NUP214: variants seen among roughly 807,000 people sequenced by gnomAD.
The protein encoded by NUP214 is nuclear pore complex protein Nup214.
In NUP214, 79 loss-of-function variants were observed where a neutral mutation model predicts 196.2. That is an observed-to-expected ratio of 0.40 (90% CI 0.34 to 0.49). NUP214 has a LOEUF of 0.49. Among genes scored for constraint, NUP214 ranks in the 20% least tolerant of loss-of-function variants. The probability of loss-of-function intolerance (pLI) is 0.58; values close to 1 mark genes in which losing one functional copy is unlikely to be tolerated. For synonymous variants in NUP214, 1,020 were observed against 990.5 expected, an observed-to-expected ratio of 1.03 and a Z score of -0.56; for missense variants, 2,468 against 2,539.0, an observed-to-expected ratio of 0.97 and a Z score of 0.60.
chr9:131,220,462 C>T (rs952435143), intron 31 of NUP214, among the ~76,000 whole-genome samples: 7 of 152,152 alleles, frequency 4.6e-5, no homozygotes, highest in African/African-American at 1.7e-4. Flanking sequence ...GTGATTACAG[C>T]TTTAATGGTG....
intron 14 of NUP214, chr9:131,150,090 C>T: frequency 2.4e-6 from 1 of 425,176 alleles, no homozygotes; most frequent in Non-Finnish European, 4.3e-6. Context: ...TTCAACATGT[C>T]CCAGTAGGAG....
intron 21 of NUP214, among the ~76,000 whole-genome samples, chr9:131,164,987 C>A (rs561714034): frequency 4.5e-4 from 68 of 152,258 alleles, no homozygotes; most frequent in Non-Finnish European, 6.8e-4. Context: ...TTTAATCTTA[C>A]TGATTTATTT....
chr9:131,175,229 A>G (rs1016711085), intron 22 of NUP214, among the ~76,000 whole-genome samples: 2 of 152,188 alleles, frequency 1.3e-5, no homozygotes, highest in African/African-American at 2.4e-5. Context: ...TAAAAGTTGT[A>G]TCTCAATCAG....
At chr9:131,149,163 A>G (rs1832178065) in intron 14 of NUP214, among the ~76,000 whole-genome samples, 1 of 151,646 alleles carries the variant, frequency 6.6e-6, no homozygotes, top group South Asian at 2.1e-4. Flanking sequence ...ACCCTAACAC[A>G]CACCTGTACT....
At chr9:131,213,430 C>CT (rs1370704662) in intron 30 of NUP214, among the ~76,000 whole-genome samples, 3 of 152,282 alleles carry the variant, frequency 2.0e-5, no homozygotes, top group African/African-American at 7.2e-5. Context: ...CTGCCTCGGC[C>CT]TCCCAAAGTG....
chr9:131,136,445 C>T lies in NUP214; in HGVS notation c.1005+439C>T, dbSNP rs554222206. ...AACACGGGTGTCAGACTTAGCACTTCCTTCGCTTCTGTTCTTTTAGGATCC... is the reference window on the plus strand; with the variant it reads ...AACACGGGTGTCAGACTTAGCACTTTCTTCGCTTCTGTTCTTTTAGGATCC... On this transcript the variant is annotated intron_variant, in intron 9 of 35. Transcript: ENST00000359428. 1.7e-4 allele frequency: 26 copies of T among 156,192 alleles called. No homozygotes were observed. In the South Asian group the frequency reaches 3.4e-3, roughly 21 times the overall value. The allele number at this position is 156,192 out of a possible 1,614,324, so 9.7% of individuals were successfully genotyped here. A position where few individuals can be genotyped will look rare whatever the true frequency, so the allele number is the denominator to read the frequency against.
chr9:131,187,264 AGT>A (rs1174807063), intron 24 of NUP214, 23 bp from the exon 25 acceptor site: 1 of 1,601,766 alleles, frequency 6.2e-7, no homozygotes, highest in Non-Finnish European at 8.6e-7. Context: ...CCTTTCTCTG[AGT>A]GTATGCTTTG....
chr9:131,161,148 G>A (rs1041373367), intron 18 of NUP214, among the ~76,000 whole-genome samples: 5 of 151,906 alleles, frequency 3.3e-5, no homozygotes, highest in African/African-American at 1.2e-4. Context: ...GCTTTTCTGA[G>A]TTCTCTTTCT....
At chr9:131,230,881 A>T in intron 34 of NUP214, 112 bp downstream of exon 34, 1 of 1,278,524 alleles carries the variant, frequency 7.8e-7, no homozygotes, top group Non-Finnish European at 1.1e-6. Context: ...TTAAAAGCTG[A>T]CTGGGCACGT....
chr9:131,135,914 A>G (rs766811006), intron 8 of NUP214, 26 bp from the exon 9 acceptor site: 2 of 1,603,402 alleles, frequency 1.2e-6, no homozygotes, highest in African/African-American at 2.7e-5. Flanking sequence ...ATTTGAACGT[A>G]ATGGTCTCTG....
At chr9:131,158,164 C>T (rs951168570) in intron 17 of NUP214, among the ~76,000 whole-genome samples, 3 of 152,170 alleles carry the variant, frequency 2.0e-5, no homozygotes, top group Non-Finnish European at 4.4e-5. Context: ...CTGCAGCCTC[C>T]GCCTCCTGTG....
intron 33 of NUP214, chr9:131,228,553 T>G: frequency 4.8e-6 from 2 of 420,236 alleles, no homozygotes; most frequent in Non-Finnish European, 8.4e-6. Context: ...TGTGTTGCTG[T>G]TCCCTGGTAT....
intron 31 of NUP214, among the ~76,000 whole-genome samples, chr9:131,220,164 G>GT (rs538692859): frequency 1.3e-4 from 19 of 151,936 alleles, no homozygotes; most frequent in South Asian, 4.2e-4. Flanking sequence ...AGACAAACTT[G>GT]TTTTTTTTAC....
intron 32 of NUP214, among the ~76,000 whole-genome samples, chr9:131,226,744 T>C (rs1834735071): frequency 6.6e-6 from 1 of 152,152 alleles, no homozygotes; most frequent in Non-Finnish European, 1.5e-5. Context: ...AGCAAAAAAG[T>C]ATCTTCTCAG....
In NUP214 at chr9:131,197,251, GA is replaced by G; in HGVS notation, c.3758del (p.Asp1253AlafsTer105). On this transcript the variant is annotated frameshift_variant, in exon 29 of 36. Coordinates refer to ENST00000359428, the MANE Select transcript of NUP214 (RefSeq NM_005085.4). LOFTEE classifies it high-confidence loss of function. Reference sequence around the variant, plus strand: ...CTCCACTAAAGAGTCAAGCCAGCCGGACGCATTCTCATCTGGTGGGGGAAGC... The same window carrying G: ...CTCCACTAAAGAGTCAAGCCAGCCGGCGCATTCTCATCTGGTGGGGGAAGC... ...TPSTKESSQP[D>X]AFSSGGGSKP... 1 of 1,614,136 alleles carries G rather than the reference GA, an allele frequency of 6.2e-7. No individual in the cohort carries two copies. The highest frequency in any genetic ancestry group is 1.1e-5 in the South Asian group (1 of 91,080).
rs1833530100 is a variant in NUP214 at position 131,189,085 on chromosome 9, G to T, written c.3528G>T (p.Gly1176=). ...TAATAAATTCCCTTAAGCCATCTGG[G>T]CCTACACCAGCATCCGGTCAGTTAT... ...GSLINSLKPS[G]PTPASGQLSS... Residue 1176 remains glycine (G), a synonymous_variant, in exon 26 of 36, where the codon GGG becomes GGT. Transcript: ENST00000359428. 15 of 1,613,994 alleles carry T rather than the reference G, an allele frequency of 9.3e-6. No homozygotes were observed. In the East Asian group the frequency reaches 3.1e-4, roughly 34 times the overall value.
chr9:131,128,431 G>T lies in NUP214; in HGVS notation c.341G>T (p.Ser114Ile), dbSNP rs1023595401. The T allele has an allele frequency of 1.7e-5, 28 of 1,613,598 alleles. 1 individual carries two copies. The African/African-American group carries it at 2.0e-4, about 12-fold the overall frequency. The stretch of plus-strand genomic sequence containing the variant: ...ACACTCTCTGCGTGCATGATGTCCA[G>T]TGAATATGGTTCCATTATTGCTTTT... ...NLTLSACMMSSEYGSIIAFFD... is the reference protein window; with the variant it reads ...NLTLSACMMSIEYGSIIAFFD... Residue 114 changes from serine to isoleucine, a missense_variant, in exon 3 of 36, where the codon AGT becomes ATT. Transcript: ENST00000359428.
chr9:131,162,765 G>A (rs1294357104), intron 18 of NUP214: 1 of 537,824 alleles, frequency 1.9e-6, no homozygotes, highest in African/African-American at 1.9e-5. Context: ...CTTTGCTACA[G>A]GACTGGCCTG....
intron 10 of NUP214, among the ~76,000 whole-genome samples, chr9:131,140,065 G>A (rs775749789): frequency 3.3e-5 from 5 of 152,216 alleles, no homozygotes; most frequent in Non-Finnish European, 7.3e-5. Flanking sequence ...TTCTCTTGAA[G>A]CCTTAACTGA....
Sources: gnomAD v4.1 joint callset for allele counts (sites outside exome capture counted in the v4.1 genomes callset) on GRCh38, gnomAD v4.1.1 for gene constraint, MANE v1.5 for transcripts, NCBI Gene and HGNC (gene_info 2026-07-23, HGNC 2026-07-21) for gene names.